Variants in COMMD1 observed in about 807,000 individuals in gnomAD.
The protein encoded by COMMD1 is copper metabolism domain containing 1.
A neutral mutation model predicts 17.2 loss-of-function variants in COMMD1; 10 were observed. The observed-to-expected ratio is 0.58, with a 90% CI of 0.36 to 0.99. The LOEUF is 0.99. Ranked by LOEUF, COMMD1 falls within the 50% of genes least tolerant of loss-of-function variation. COMMD1 has a pLI of 0.01. For missense variants in COMMD1, 270 were observed against 231.8 expected, an observed-to-expected ratio of 1.17 and a Z score of -1.07; for synonymous variants, 97 against 91.6, an observed-to-expected ratio of 1.06 and a Z score of -0.34.
chr2:62,131,857 T>C (rs1673043907), intron 2 of COMMD1, among the ~76,000 whole-genome samples: 2 of 150,362 alleles, frequency 1.3e-5, no homozygotes, highest in Admixed American at 1.3e-4. Context: ...TCTGCATTTC[T>C]AAATACACAC....
chr2:62,067,777 G>C (rs1671094390), intron 2 of COMMD1, among the ~76,000 whole-genome samples: 1 of 152,094 alleles, frequency 6.6e-6, no homozygotes, highest in Non-Finnish European at 1.5e-5. Context: ...TATAGGGCAG[G>C]ACACCTGTCA....
At chr2:62,029,442 A>G (rs141419197) in intron 2 of COMMD1, among the ~76,000 whole-genome samples, 37 of 152,256 alleles carry the variant, frequency 2.4e-4, no homozygotes, top group African/African-American at 8.2e-4. Flanking sequence ...ATATGGGCAT[A>G]AATAAAATAA....
chr2:62,125,470 T>TC (rs1396797519), intron 2 of COMMD1, among the ~76,000 whole-genome samples: 7 of 152,226 alleles, frequency 4.6e-5, no homozygotes, highest in African/African-American at 7.2e-5. Context: ...ATGATTTTTT[T>TC]TCTGTTTTGT....
At chr2:62,101,376 G>A (rs1190155029) in intron 2 of COMMD1, among the ~76,000 whole-genome samples, 4 of 152,162 alleles carry the variant, frequency 2.6e-5, no homozygotes, top group Admixed American at 6.5e-5. Flanking sequence ...TTGGAAGGCC[G>A]AGATGGGAGG....
At chr2:62,015,046 C>T in intron 2 of COMMD1, among the ~76,000 whole-genome samples, 1 of 152,164 alleles carries the variant, frequency 6.6e-6, no homozygotes, top group East Asian at 1.9e-4. Flanking sequence ...GCCTCCACCT[C>T]CCAAAGCACT....
chr2:61,918,929 T>C (rs537935790), intron 1 of COMMD1, among the ~76,000 whole-genome samples: 1 of 152,324 alleles, frequency 6.6e-6, no homozygotes, highest in South Asian at 2.1e-4. Context: ...TGACAAAAAT[T>C]TATGTTTCAA....
intron 2 of COMMD1, among the ~76,000 whole-genome samples, chr2:62,089,964 A>G (rs1472788555): frequency 6.6e-6 from 1 of 152,158 alleles, no homozygotes; most frequent in African/African-American, 2.4e-5. Flanking sequence ...TCATTCCTAG[A>G]GTAGTCTGGT....
In COMMD1 at chr2:61,896,996, A is replaced by G. The variant is rs368587329; in HGVS notation, n.119+8154A>G. Among the ~76,000 whole-genome samples, 55 of 151,774 alleles carry G rather than the reference A, an allele frequency of 3.6e-4. 1 individual carries two copies. Among genetic ancestry groups the G allele is most frequent in the Admixed American group, 3.4e-3 (51 of 15,194 alleles). ...AGGTGCCCGCCACCACATCTGGCTA[A>G]TGTTTGTGTTTTTAGTAGAGATGGG... On this transcript the variant is annotated intron_variant and non_coding_transcript_variant, in intron 1 of 2. Coordinates refer to the COMMD1 transcript ENST00000472729.
intron 1 of COMMD1, among the ~76,000 whole-genome samples, chr2:61,998,937 G>A (rs945356601): frequency 6.6e-6 from 1 of 152,070 alleles, no homozygotes; most frequent in Non-Finnish European, 1.5e-5. Flanking sequence ...GTTTCATGGC[G>A]CCCTGAAAGA....
intron 1 of COMMD1, among the ~76,000 whole-genome samples, chr2:61,979,162 C>G (rs2103747048): frequency 6.6e-6 from 1 of 152,214 alleles, no homozygotes; most frequent in East Asian, 1.9e-4. Context: ...CCCTCTTTCT[C>G]CCTGAGTTCA....
intron 2 of COMMD1, among the ~76,000 whole-genome samples, chr2:62,104,509 C>G (rs890475783): frequency 1.3e-5 from 2 of 151,700 alleles, no homozygotes; most frequent in African/African-American, 4.8e-5. Flanking sequence ...TGATGGGCAC[C>G]TGTAATCCCA....
chr2:61,921,588 G>C (rs1244327724), intron 1 of COMMD1, among the ~76,000 whole-genome samples: 13 of 151,920 alleles, frequency 8.6e-5, no homozygotes, highest in Non-Finnish European at 1.9e-4. Context: ...GGACTATAGG[G>C]GCCTGCCACC....
At chr2:62,039,876 T>C (rs575208907) in intron 2 of COMMD1, among the ~76,000 whole-genome samples, 5 of 152,314 alleles carry the variant, frequency 3.3e-5, no homozygotes, top group Admixed American at 2.0e-4. Flanking sequence ...CATAGTAACA[T>C]GTAGTTTTAT....
intron 1 of COMMD1, among the ~76,000 whole-genome samples, chr2:61,955,526 G>A (rs1350903271): frequency 2.6e-5 from 4 of 152,018 alleles, no homozygotes; most frequent in Non-Finnish European, 5.9e-5. Flanking sequence ...TTTCGGTGTT[G>A]TATCTAATAA....
chr2:62,035,805 C>A (rs1043978413), intron 2 of COMMD1, among the ~76,000 whole-genome samples: 1 of 148,288 alleles, frequency 6.7e-6, no homozygotes, highest in Admixed American at 6.7e-5. Flanking sequence ...AATTCCAGCA[C>A]TTTGGGGGGC....
intron 2 of COMMD1, among the ~76,000 whole-genome samples, chr2:62,128,628 G>A (rs1439952535): frequency 6.6e-6 from 1 of 151,620 alleles, no homozygotes; most frequent in East Asian, 1.9e-4. Flanking sequence ...TCCCTTCCTT[G>A]CATTCTTAAG....
intron 2 of COMMD1, among the ~76,000 whole-genome samples, chr2:62,098,162 C>CTTTTTTTTTTTTT (rs1212972398): frequency 7.9e-6 from 1 of 125,848 alleles, no homozygotes; most frequent in East Asian, 2.3e-4. Context: ...TCCTTTCTTT[C>CTTTTTTTTTTTTT]TTTTTTTTTT....
chr2:61,970,951 A>C (rs1043820596), intron 1 of COMMD1, among the ~76,000 whole-genome samples: 4 of 152,156 alleles, frequency 2.6e-5, no homozygotes, highest in African/African-American at 4.8e-5. Flanking sequence ...CCTGTTGCCC[A>C]GGCTTCAGTA....
chr2:62,051,281 T>A (rs912575515), intron 2 of COMMD1, among the ~76,000 whole-genome samples: 1 of 152,204 alleles, frequency 6.6e-6, no homozygotes, highest in African/African-American at 2.4e-5. Context: ...TAAAACTCCA[T>A]GTAACTTATA....
Sources: allele counts gnomAD v4.1 joint callset (sites outside exome capture counted in the v4.1 genomes callset), GRCh38; gene constraint gnomAD v4.1.1; transcripts MANE v1.5; gene names NCBI Gene and HGNC (gene_info 2026-07-23, HGNC 2026-07-21).